Variants in DCST1 observed in about 807,000 individuals in gnomAD.
DCST1 encodes E3 ubiquitin-protein ligase DCST1.
A neutral mutation model predicts 89.1 loss-of-function variants in DCST1; 78 were observed. The observed-to-expected ratio is 0.88, with a 90% CI of 0.73 to 1.06. The LOEUF (loss-of-function observed/expected upper bound fraction) is 1.06. Among genes scored for constraint, DCST1 ranks in the 50% least tolerant of loss-of-function variants. The pLI is 0.00. For synonymous variants in DCST1, 364 were observed against 371.9 expected, an observed-to-expected ratio of 0.98 and a Z score of 0.24; for missense variants, 900 against 928.6, an observed-to-expected ratio of 0.97 and a Z score of 0.40.
chr1:155,041,774 G>T lies in DCST1; in HGVS notation c.809G>T (p.Cys270Phe). 6.2e-7 allele frequency: 1 copy of T among 1,614,232 alleles called. No individual in the cohort carries two copies. ...RRWFDRKHEQ[C>F]MKHIWVPLLT... is the part of the protein sequence containing the mutation. ...TGGTTTGACCGCAAGCATGAACAGT[G>T]CATGAAGCACATCTGGGTCCCACTC... is the stretch of plus-strand genomic sequence containing the variant. Residue 270 changes from cysteine (C) to phenylalanine (F), a missense_variant, in exon 8 of 17, where the codon TGC becomes TTC. Coordinates refer to ENST00000295542, the MANE Select transcript of DCST1 (RefSeq NM_152494.4).
chr1:155,046,228 C>T lies in DCST1; in HGVS notation c.1368+8C>T. On this transcript the variant is annotated splice_region_variant and intron_variant, in intron 12 of 16. Coordinates refer to ENST00000295542, the MANE Select transcript of DCST1 (RefSeq NM_152494.4). ...TCAGAAATGAGCAATGTGGTGAGGA[C>T]AGCATGGGGAGCGGACTCCTGGGTG... 6.2e-7 allele frequency: 1 copy of T among 1,614,202 alleles called. No homozygotes were observed. Among genetic ancestry groups the T allele is most frequent in the Non-Finnish European group, 8.5e-7 (1 of 1,180,042 alleles).
At chr1:155,042,202 G>T (rs538277363) in intron 8 of DCST1, among the ~76,000 whole-genome samples, 4 of 152,082 alleles carry the variant, frequency 2.6e-5, no homozygotes, top group South Asian at 2.1e-4. Flanking sequence ...GGGTTCAAGC[G>T]ATTCTCCTGC....
Position 155,045,901 on chromosome 1 carries a change from C to T in DCST1, c.1181C>T (p.Ser394Phe). ...TGCCCATCCACCCACAGGTCTTTCT[C>T]CTACATGGACAGCTATAACCATGAC... ...TFLLVLHASF[S>F]YMDSYNHDIR... is the part of the protein sequence containing the mutation. Residue 394 changes from serine to phenylalanine, a missense_variant, in exon 11 of 17, where the codon TCC becomes TTC. By Grantham distance (155) the Ser-to-Phe change is radical (BLOSUM62 -2). Transcript: ENST00000295542. 6.2e-7 allele frequency: 1 copy of T among 1,614,052 alleles called. No homozygotes were observed. The highest frequency in any genetic ancestry group is 8.5e-7 in the Non-Finnish European group (1 of 1,179,876).
rs758949085 is a variant in DCST1 at position 155,047,275 on chromosome 1, C to T, written c.1575C>T (p.Asn525=). The change falls in exon 14 of 17, where the codon AAC becomes AAT. Residue 525 remains asparagine (N), a synonymous_variant. Coordinates refer to ENST00000295542, the MANE Select transcript of DCST1 (RefSeq NM_152494.4). The part of the protein sequence containing the change: ...RLLRKTIGAL[N]TSSETVMESN... The stretch of plus-strand genomic sequence containing the variant: ...TTCGAAAAACCATTGGGGCCCTGAA[C>T]ACCTCCTCAGAGACAGTGATGGAAT... 2.5e-6 allele frequency: 4 copies of T among 1,614,174 alleles called. No homozygotes were observed. Among genetic ancestry groups the T allele is most frequent in the Admixed American group, 1.7e-5 (1 of 60,016 alleles).
chr1:155,041,246 T>C lies in DCST1; in HGVS notation c.532-151T>C, dbSNP rs113820204. On this transcript the variant is annotated intron_variant, in intron 6 of 16. Coordinates refer to ENST00000295542, the MANE Select transcript of DCST1 (RefSeq NM_152494.4). The stretch of plus-strand genomic sequence containing the variant: ...CAAGGGCAATGGACAGCCGGGAATT[T>C]GAGGTGAGAGGCTGTGTCTCAGGGC... 113 of 753,298 alleles carry C rather than the reference T, an allele frequency of 1.5e-4. No individual in the cohort carries two copies. The African/African-American group carries it at 1.8e-3, about 12-fold the overall frequency. The allele number at this position is 753,298 out of a possible 1,614,324, so 46.7% of individuals were successfully genotyped here.
chr1:155,045,574 T>C, intron 10 of DCST1: 1 of 395,916 alleles, frequency 2.5e-6, no homozygotes, highest in Admixed American at 4.0e-5. Context: ...TGCATGCCTG[T>C]CCCTACCTCA....
Position 155,039,487 on chromosome 1 carries a change from G to A in DCST1, c.347G>A (p.Gly116Asp). ...LLVPKMLGKE[G>D]RLFVLGYALA... ...GTACCCAAGATGCTGGGCAAGGAAG[G>A]CAGGCTCTTTGTCCTGGGATACGCC... The change falls in exon 5 of 17, where the codon GGC (glycine) becomes GAC (aspartate). Residue 116 changes from glycine (G) to aspartate (D), a missense_variant. Gly to Asp is a moderately conservative substitution (Grantham distance 94). Transcript: ENST00000295542. The A allele has an allele frequency of 6.2e-7, 1 of 1,601,766 alleles. No individual in the cohort carries two copies. The highest frequency in any genetic ancestry group is 8.5e-7 in the Non-Finnish European group (1 of 1,173,842).
rs1302398106 is a variant in DCST1, at chr1:155,050,522, T to G, written c.1870-95T>G. On this transcript the variant is annotated intron_variant, in intron 16 of 16. Coordinates refer to ENST00000295542, the MANE Select transcript of DCST1 (RefSeq NM_152494.4). ...CCAGCCTCCTCCAACACGCGGGAATTGTCAGGCCTGGCGACTTCAGACAGG... is the reference window on the plus strand; with the variant it reads ...CCAGCCTCCTCCAACACGCGGGAATGGTCAGGCCTGGCGACTTCAGACAGG... 4 of 1,434,406 alleles carry G rather than the reference T, an allele frequency of 2.8e-6. No individual in the cohort carries two copies. In the Admixed American group the frequency reaches 7.6e-5, roughly 27 times the overall value. The allele number at this position is 1,434,406 out of a possible 1,614,324, so 88.9% of individuals were successfully genotyped here.
chr1:155,048,302 T>C (rs1660727539), intron 16 of DCST1, 132 bp downstream of exon 16: 1 of 722,992 alleles, frequency 1.4e-6, no homozygotes, highest in Admixed American at 2.7e-5. Flanking sequence ...AAGTTCTTTT[T>C]ATTTTTTGAG....
chr1:155,043,250 A>G, intron 9 of DCST1, 102 bp from the exon 10 acceptor site: 1 of 1,562,684 alleles, frequency 6.4e-7, no homozygotes. Flanking sequence ...GGAGGGCCCC[A>G]GGGACACAAG....
chr1:155,050,716 T>A lies in DCST1; in HGVS notation c.1969T>A (p.Ser657Thr). Residue 657 changes from serine to threonine, a missense_variant, in exon 17 of 17, where the codon TCC becomes ACC. Ser to Thr is a moderately conservative substitution (Grantham distance 58, BLOSUM62 1). Transcript: ENST00000295542. ...VVCQAPETPE[S>T]YVCRTLDCEA... ...GTGCCAGGCACCCGAGACGCCCGAG[T>A]CCTACGTGTGCCGGACGCTGGACTG... 2 of 1,609,200 alleles carry A rather than the reference T, an allele frequency of 1.2e-6. No homozygotes were observed. Among genetic ancestry groups the A allele is most frequent in the Non-Finnish European group, 1.7e-6 (2 of 1,178,408 alleles).
Position 155,043,432 on chromosome 1 carries a change from C to T in DCST1, c.1095C>T (p.Arg365=). Reference sequence around the variant, plus strand: ...CCGAGGTGCGGGACTACGTGTACCGCCAGGAGGCCCGGCTGGAGTGGGCCC... The same window carrying T: ...CCGAGGTGCGGGACTACGTGTACCGTCAGGAGGCCCGGCTGGAGTGGGCCC... ...VSTEVRDYVY[R]QEARLEWALG... The change falls in exon 10 of 17, where the codon CGC becomes CGT. Residue 365 remains arginine, a synonymous_variant. Coordinates refer to ENST00000295542, the MANE Select transcript of DCST1 (RefSeq NM_152494.4). The T allele has an allele frequency of 6.2e-7, 1 of 1,613,470 alleles. No homozygotes were observed. The highest frequency in any genetic ancestry group is 8.5e-7 in the Non-Finnish European group (1 of 1,179,754).
intron 5 of DCST1, among the ~76,000 whole-genome samples, chr1:155,040,076 G>A (rs1043164313): frequency 6.6e-6 from 1 of 150,924 alleles, no homozygotes; most frequent in Non-Finnish European, 1.5e-5. Flanking sequence ...GCCGAAGCGG[G>A]CGGATCACGA....
chr1:155,045,844 TGAG>T lies in DCST1; in HGVS notation c.1173-45_1173-43del, dbSNP rs1367949720. The stretch of plus-strand genomic sequence containing the variant: ...AAGGAAGCCCATGTTTGGGGATAGA[TGAG>T]GAGAACCTGGAAGAGATGGAGACAT... On this transcript the variant is annotated intron_variant, in intron 10 of 16. Transcript: ENST00000295542. 6 of 1,527,298 alleles carry T rather than the reference TGAG, an allele frequency of 3.9e-6. No homozygotes were observed. In the African/African-American group the frequency reaches 6.9e-5, roughly 17 times the overall value. 94.6% of individuals were successfully genotyped at this position (1,527,298 alleles called of 1,614,324 possible). A position where few individuals can be genotyped will look rare whatever the true frequency, so the allele number is the denominator to read the frequency against.
At chr1:155,034,789 A>C in intron 4 of DCST1, 62 bp downstream of exon 4, 1 of 1,571,978 alleles carries the variant, frequency 6.4e-7, no homozygotes, top group South Asian at 1.1e-5. Flanking sequence ...GCCGTCCTGC[A>C]TGCCCAGGAA....
rs201709428 is a variant in DCST1 at position 155,048,096 on chromosome 1, T to C, written c.1795T>C (p.Leu599=). The change falls in exon 16 of 17, where the codon TTG becomes CTG. Residue 599 remains leucine (L), a synonymous_variant. Transcript: ENST00000295542. ...KRILFLYNDL[L]KKRAAFTKLR... ...GATCCTGTTCCTCTACAATGACCTATTGAAGAAAAGAGCAGCCTTCACCAA... is the reference window on the plus strand; with the variant it reads ...GATCCTGTTCCTCTACAATGACCTACTGAAGAAAAGAGCAGCCTTCACCAA... 42 of 1,613,886 alleles carry C rather than the reference T, an allele frequency of 2.6e-5. No individual in the cohort carries two copies. Among genetic ancestry groups the C allele is most frequent in the South Asian group, 9.9e-5 (9 of 91,050 alleles).
chr1:155,050,394 T>C (rs1018273569), intron 16 of DCST1, among the ~76,000 whole-genome samples: 2 of 152,234 alleles, frequency 1.3e-5, no homozygotes, highest in African/African-American at 4.8e-5. Flanking sequence ...GAGTTGTGGC[T>C]GATATCCGCT....
In DCST1 at chr1:155,039,492, C is replaced by T. The variant is rs772505230; in HGVS notation, c.352C>T (p.Leu118Phe). ...VPKMLGKEGRLFVLGYALAAI... is the reference protein window; with the variant it reads ...VPKMLGKEGRFFVLGYALAAI... Reference sequence around the variant, plus strand: ...CAAGATGCTGGGCAAGGAAGGCAGGCTCTTTGTCCTGGGATACGCCTTGGC... The same window carrying T: ...CAAGATGCTGGGCAAGGAAGGCAGGTTCTTTGTCCTGGGATACGCCTTGGC... Residue 118 changes from leucine to phenylalanine, a missense_variant, in exon 5 of 17, where the codon CTC becomes TTC. Transcript: ENST00000295542. 3 of 1,601,748 alleles carry T rather than the reference C, an allele frequency of 1.9e-6. No homozygotes were observed. The highest frequency in any genetic ancestry group is 2.3e-5 in the South Asian group (2 of 88,402).
At position 155,033,834 on chromosome 1, in the gene DCST1, C is replaced by T. The variant is rs1571555586; in HGVS notation, c.-86C>T. The T allele has an allele frequency of 1.9e-5, 26 of 1,396,422 alleles. 1 individual carries two copies. In the East Asian group the frequency reaches 3.3e-4, roughly 18 times the overall value. 86.5% of individuals were successfully genotyped at this position (1,396,422 alleles called of 1,614,324 possible). ...TGTCTTGGAATCCTTGACCCAGTTC[C>T]GAGGACTGGAGAGGGGATAGGTAGG... On this transcript the variant is annotated 5_prime_UTR_variant, in exon 1 of 17. Coordinates refer to ENST00000295542, the MANE Select transcript of DCST1 (RefSeq NM_152494.4).
Sources: gnomAD v4.1 joint callset for allele counts (sites outside exome capture counted in the v4.1 genomes callset) on GRCh38, gnomAD v4.1.1 for gene constraint, MANE v1.5 for transcripts, NCBI Gene and HGNC (gene_info 2026-07-23, HGNC 2026-07-21) for gene names.